The following LIMCH1 variants were observed in gnomAD, a reference collection of about 807,000 sequenced individuals.
LIMCH1 encodes the protein LIM and calponin homology domains-containing protein 1.
In LIMCH1, 113 loss-of-function variants were observed where a neutral mutation model predicts 176.5. The ratio of observed to expected loss-of-function variants is 0.64; its 90% CI spans 0.55 to 0.75. LIMCH1 has a LOEUF of 0.75. Among genes scored for constraint, LIMCH1 ranks in the 30% least tolerant of loss-of-function variants. LIMCH1 has a pLI of 0.00. For synonymous variants in LIMCH1, 619 were observed against 645.9 expected, an observed-to-expected ratio of 0.96 and a Z score of 0.63; for missense variants, 1,674 against 1,814.9, an observed-to-expected ratio of 0.92 and a Z score of 1.41.
chr4:41,604,031 A>G (rs1308922811), intron 3 of LIMCH1, 126 bp downstream of exon 3: 7 of 942,748 alleles, frequency 7.4e-6, no homozygotes, highest in African/African-American at 1.6e-5. Context: ...ATTTCATAGA[A>G]TAGTTAATGA....
At chr4:41,442,044 G>A (rs2062756270) in intron 1 of LIMCH1, among the ~76,000 whole-genome samples, 1 of 152,168 alleles carries the variant, frequency 6.6e-6, no homozygotes, top group African/African-American at 2.4e-5. Context: ...TAGCCTGGGT[G>A]TGGTAGCTCA....
chr4:41,386,204 C>G (rs2154106923), intron 1 of LIMCH1, among the ~76,000 whole-genome samples: 1 of 150,762 alleles, frequency 6.6e-6, no homozygotes, highest in East Asian at 2.0e-4. Context: ...AGTGTCTGAC[C>G]TGTAAATGGT....
intron 18 of LIMCH1, among the ~76,000 whole-genome samples, chr4:41,660,087 T>C (rs2094569622): frequency 1.3e-5 from 2 of 152,150 alleles, no homozygotes; most frequent in Admixed American, 6.5e-5. Flanking sequence ...TTTTTCTATA[T>C]GTTTATGTAT....
chr4:41,670,758 CT>C, intron 21 of LIMCH1: 1 of 1,535,956 alleles, frequency 6.5e-7, no homozygotes, highest in Non-Finnish European at 8.7e-7. Context: ...GAGTTCAGAA[CT>C]CTTGGCGACG....
At chr4:41,667,502 G>A (rs2094869761) in intron 21 of LIMCH1, among the ~76,000 whole-genome samples, 1 of 152,094 alleles carries the variant, frequency 6.6e-6, no homozygotes, top group Admixed American at 6.6e-5. Context: ...TATGTTTGAT[G>A]TATTTTAATG....
chr4:41,606,719 G>C (rs978718616), intron 4 of LIMCH1, among the ~76,000 whole-genome samples: 1 of 152,170 alleles, frequency 6.6e-6, no homozygotes, highest in Non-Finnish European at 1.5e-5. Flanking sequence ...CTAGTACATA[G>C]TGTTACCCAG....
chr4:41,602,943 A>G (rs557444278), intron 2 of LIMCH1, among the ~76,000 whole-genome samples: 6 of 152,268 alleles, frequency 3.9e-5, no homozygotes, highest in East Asian at 3.9e-4. Flanking sequence ...CTTTCAATCT[A>G]TGTCCTTGTT....
chr4:41,553,090 C>T (rs957440785), intron 1 of LIMCH1, among the ~76,000 whole-genome samples: 1 of 152,218 alleles, frequency 6.6e-6, no homozygotes, highest in Non-Finnish European at 1.5e-5. Context: ...AGAATCTCTT[C>T]TCTCCCTTCT....
intron 1 of LIMCH1, among the ~76,000 whole-genome samples, chr4:41,383,091 A>G (rs1465075482): frequency 1.3e-5 from 2 of 152,218 alleles, no homozygotes; most frequent in Non-Finnish European, 2.9e-5. Flanking sequence ...GTGCCCAGCC[A>G]TGCTAATCTT....
chr4:41,378,932 G>T (rs1357038092), intron 1 of LIMCH1, among the ~76,000 whole-genome samples: 2 of 152,126 alleles, frequency 1.3e-5, no homozygotes, highest in Non-Finnish European at 2.9e-5. Context: ...GATAAAACAA[G>T]TTCCTGAGAC....
chr4:41,455,906 T>G (rs7696363), intron 1 of LIMCH1, among the ~76,000 whole-genome samples: 34,170 of 152,166 alleles, frequency 0.22, 5,540 homozygotes, highest in African/African-American at 0.46. Context: ...TACTAACACA[T>G]AAGAAATCTC....
chr4:41,678,474 T>A (rs897282746), intron 23 of LIMCH1, among the ~76,000 whole-genome samples: 2 of 152,176 alleles, frequency 1.3e-5, no homozygotes, highest in Admixed American at 1.3e-4. Context: ...GACCATCTGC[T>A]CGTCTCTGGG....
chr4:41,610,503 T>C (rs558135507), intron 4 of LIMCH1, among the ~76,000 whole-genome samples: 5 of 152,242 alleles, frequency 3.3e-5, no homozygotes, highest in Non-Finnish European at 7.3e-5. Context: ...GATTTGTATA[T>C]ATTGAAATTT....
At chr4:41,570,991 T>G (rs761460491) in intron 1 of LIMCH1, among the ~76,000 whole-genome samples, 5 of 152,142 alleles carry the variant, frequency 3.3e-5, no homozygotes, top group Admixed American at 6.5e-5. Context: ...TCCCTTGGAT[T>G]AGCAAGTAAG....
intron 1 of LIMCH1, among the ~76,000 whole-genome samples, chr4:41,435,285 A>T (rs2061971055): frequency 6.6e-6 from 1 of 152,224 alleles, no homozygotes; most frequent in Non-Finnish European, 1.5e-5. Context: ...TATTGGAGTG[A>T]TGCATTTCGA....
At chr4:41,475,162 G>A (rs1425596680) in intron 1 of LIMCH1, among the ~76,000 whole-genome samples, 10 of 152,122 alleles carry the variant, frequency 6.6e-5, no homozygotes, top group Non-Finnish European at 1.0e-4. Context: ...CTGAAAGGAC[G>A]CTAGTTTACA....
chr4:41,406,098 T>A (rs1286041653), intron 1 of LIMCH1, among the ~76,000 whole-genome samples: 2 of 152,196 alleles, frequency 1.3e-5, no homozygotes, highest in African/African-American at 4.8e-5. Context: ...CCTCTATCAA[T>A]CACTTCTTGC....
chr4:41,423,125 G>A (rs570783742), intron 1 of LIMCH1, among the ~76,000 whole-genome samples: 2 of 152,296 alleles, frequency 1.3e-5, no homozygotes, highest in East Asian at 3.9e-4. Context: ...GCCCTTCTGA[G>A]GGGACTACTG....
rs1585059627 is a variant in LIMCH1, at chr4:41,629,545, C to T, written c.1082C>T (p.Ala361Val). The stretch of plus-strand genomic sequence containing the variant: ...TTGATAGTGACCTGTAACATGAGGG[C>T]TCAGGAAAGTGAACCTGTGGAAGGA... ...VKLIVTCNMRAQESEPVEGGL... is the reference protein window; with the variant it reads ...VKLIVTCNMRVQESEPVEGGL... Residue 361 changes from alanine to valine, a missense_variant, in exon 9 of 32, where the codon GCT (alanine) becomes GTT (valine). By Grantham distance (64) the Ala-to-Val change is moderately conservative (BLOSUM62 0). Around this residue, in one of 3 missense-constraint regions of LIMCH1, gnomAD observed 655 missense variants for 692.2 expected, o/e 0.95. Transcript: ENST00000503057. 6.5e-7 allele frequency: 1 copy of T among 1,536,042 alleles called. No individual in the cohort carries two copies.
Sources: allele counts gnomAD v4.1 joint callset (sites outside exome capture counted in the v4.1 genomes callset), GRCh38; gene constraint gnomAD v4.1.1; regional missense constraint gnomAD v4.1.1; transcripts MANE v1.5; gene names NCBI Gene and HGNC (gene_info 2026-07-23, HGNC 2026-07-21).